EPM2A: variants seen among roughly 807,000 people sequenced by gnomAD.
EPM2A encodes the protein laforin.
Under a neutral mutation model 26.5 loss-of-function variants are expected in EPM2A, and 21 were observed. The observed-to-expected ratio is 0.79, with a 90% CI of 0.56 to 1.14. The LOEUF (loss-of-function observed/expected upper bound fraction) is 1.14. Among genes scored for constraint, EPM2A ranks in the 50% most tolerant of loss-of-function variants. The pLI is 0.00. For missense variants in EPM2A, 458 were observed against 440.8 expected, an observed-to-expected ratio of 1.04 and a Z score of -0.35; for synonymous variants, 217 against 177.6, an observed-to-expected ratio of 1.22 and a Z score of -1.76.
rs191911259 is a variant in EPM2A at position 145,470,683 on chromosome 6, G to T, written c.555+31839C>A. On this transcript the variant is annotated intron_variant, in intron 4 of 4. Transcript: ENST00000638717. ...GAAATTTCTAGTGCAAAAAGATTTTGAATACACAAGTTTTATAATGCTTAC... is the reference window on the plus strand; with the variant it reads ...GAAATTTCTAGTGCAAAAAGATTTTTAATACACAAGTTTTATAATGCTTAC... 1.1e-3 allele frequency among the ~76,000 whole-genome samples: 172 copies of T among 152,154 alleles called. 1 individual carries two copies. The highest frequency in any genetic ancestry group is 3.8e-3 in the African/African-American group (159 of 41,506).
chr6:145,484,343 C>T (rs73781827), intron 4 of EPM2A, among the ~76,000 whole-genome samples: 3 of 151,914 alleles, frequency 2.0e-5, no homozygotes, highest in African/African-American at 7.3e-5. Flanking sequence ...AAAGAGCACC[C>T]CAAATATTTT....
At chr6:145,693,842 T>G (rs916354442) in intron 1 of EPM2A, among the ~76,000 whole-genome samples, 1 of 151,972 alleles carries the variant, frequency 6.6e-6, no homozygotes, top group African/African-American at 2.4e-5. Context: ...TTAGCTACTT[T>G]GTTATTTGTT....
At chr6:145,605,263 T>A (rs141636652) in intron 2 of EPM2A, among the ~76,000 whole-genome samples, 1 of 152,162 alleles carries the variant, frequency 6.6e-6, no homozygotes, top group Non-Finnish European at 1.5e-5. Context: ...ACAATTTCCA[T>A]AAGAGTTATA....
intron 4 of EPM2A, among the ~76,000 whole-genome samples, chr6:145,408,355 G>A (rs751996053): frequency 6.6e-6 from 1 of 152,108 alleles, no homozygotes; most frequent in Non-Finnish European, 1.5e-5. Context: ...TGGGCCATGT[G>A]TGGGAGAGAA....
chr6:145,557,504 C>G (rs1322160844), intron 2 of EPM2A, among the ~76,000 whole-genome samples: 6 of 151,922 alleles, frequency 3.9e-5, no homozygotes, highest in Non-Finnish European at 8.8e-5. Context: ...GGTCATGTTA[C>G]CTTCTGTTTT....
intron 4 of EPM2A, among the ~76,000 whole-genome samples, chr6:145,458,822 A>G (rs1420596257): frequency 6.9e-6 from 1 of 144,770 alleles, no homozygotes; most frequent in African/African-American, 2.6e-5. Flanking sequence ...AAACACTAGC[A>G]TAAATTTCCC....
chr6:145,489,124 G>C (rs1779722358), intron 4 of EPM2A, among the ~76,000 whole-genome samples: 1 of 151,956 alleles, frequency 6.6e-6, no homozygotes, highest in African/African-American at 2.4e-5. Context: ...TGACTACTGG[G>C]GTAGACAACA....
chr6:145,490,870 A>G, intron 4 of EPM2A: 2 of 682,064 alleles, frequency 2.9e-6, no homozygotes, highest in African/African-American at 1.8e-5. Context: ...CACTTTGATG[A>G]TACTTGCTGG....
At chr6:145,734,070 A>G (rs1412458633) in intron 1 of EPM2A, among the ~76,000 whole-genome samples, 1 of 152,212 alleles carries the variant, frequency 6.6e-6, no homozygotes, top group African/African-American at 2.4e-5. Context: ...AAATGACTGC[A>G]TTTTGACCTA....
At chr6:145,548,570 A>G (rs1780614777) in intron 2 of EPM2A, among the ~76,000 whole-genome samples, 1 of 152,134 alleles carries the variant, frequency 6.6e-6, no homozygotes, top group Admixed American at 6.6e-5. Context: ...TAATAAATGG[A>G]TATTCTACCA....
chr6:145,661,366 C>T (rs1312444680), intron 2 of EPM2A, among the ~76,000 whole-genome samples: 2 of 152,158 alleles, frequency 1.3e-5, no homozygotes, highest in Non-Finnish European at 2.9e-5. Flanking sequence ...GTGACCAGAA[C>T]AAAATCATGC....
At chr6:145,496,440 C>G (rs146505820) in intron 4 of EPM2A, among the ~76,000 whole-genome samples, 1 of 152,194 alleles carries the variant, frequency 6.6e-6, no homozygotes, top group African/African-American at 2.4e-5. Context: ...TGGTTCCATT[C>G]GCTCCATCTC....
At chr6:145,479,170 C>G (rs897264510) in intron 4 of EPM2A, among the ~76,000 whole-genome samples, 1 of 150,562 alleles carries the variant, frequency 6.6e-6, no homozygotes, top group Non-Finnish European at 1.5e-5. Context: ...TAGTAAAGAT[C>G]TGTCCTCTTC....
intron 4 of EPM2A, among the ~76,000 whole-genome samples, chr6:145,452,980 G>C (rs746121836): frequency 6.6e-6 from 1 of 152,112 alleles, no homozygotes; most frequent in African/African-American, 2.4e-5. Flanking sequence ...TGTTGAACTT[G>C]TTGGTTTTAG....
At chr6:145,724,608 T>C (rs1346882468) in intron 1 of EPM2A, among the ~76,000 whole-genome samples, 1 of 152,048 alleles carries the variant, frequency 6.6e-6, no homozygotes, top group Non-Finnish European at 1.5e-5. Context: ...ATTTCAAGAT[T>C]AGTATAAACC....
chr6:145,537,950 G>T (rs937803717), intron 2 of EPM2A, among the ~76,000 whole-genome samples: 5 of 152,118 alleles, frequency 3.3e-5, no homozygotes, highest in East Asian at 3.8e-4. Context: ...TTTTATGGCT[G>T]CATAGTATTC....
intron 2 of EPM2A, among the ~76,000 whole-genome samples, chr6:145,587,435 A>T (rs557224688): frequency 1.1e-4 from 16 of 152,184 alleles, no homozygotes; most frequent in African/African-American, 1.9e-4. Flanking sequence ...TCTCACAAAC[A>T]CACTTTATAA....
At chr6:145,458,425 G>A (rs2114714550) in intron 4 of EPM2A, among the ~76,000 whole-genome samples, 1 of 152,242 alleles carries the variant, frequency 6.6e-6, no homozygotes, top group Non-Finnish European at 1.5e-5. Context: ...CAACCATTTT[G>A]GTTCTATTCC....
chr6:145,558,589 T>A (rs1024117965), intron 2 of EPM2A, among the ~76,000 whole-genome samples: 3 of 152,090 alleles, frequency 2.0e-5, no homozygotes, highest in African/African-American at 7.2e-5. Flanking sequence ...TCATGAGGTA[T>A]ATAGTAATAT....
Sources: allele counts gnomAD v4.1 joint callset (sites outside exome capture counted in the v4.1 genomes callset), GRCh38; gene constraint gnomAD v4.1.1; transcripts MANE v1.5; gene names NCBI Gene and HGNC (gene_info 2026-07-23, HGNC 2026-07-21).